SGMS1: variants seen among roughly 807,000 people sequenced by gnomAD.
SGMS1 encodes the protein sphingomyelin synthase 1, also known as phosphatidylcholine:ceramide cholinephosphotransferase 1.
A neutral mutation model predicts 46.2 loss-of-function variants in SGMS1; 13 were observed. The ratio of observed to expected loss-of-function variants is 0.28; its 90% CI spans 0.18 to 0.45. The LOEUF is 0.45. Among genes scored for constraint, SGMS1 ranks in the 20% least tolerant of loss-of-function variants. The pLI, the probability that SGMS1 is intolerant of heterozygous loss-of-function variation, is 1.00. For synonymous variants in SGMS1, 203 were observed against 187.8 expected (o/e 1.08, Z -0.66); for missense variants, 324 against 519.9 (o/e 0.62, Z 3.66).
At chr10:50,449,542 C>T (rs891459064) in intron 5 of SGMS1, among the ~76,000 whole-genome samples, 1 of 152,136 alleles carries the variant, frequency 6.6e-6, no homozygotes, top group African/African-American at 2.4e-5. Flanking sequence ...GGTCTTGCCC[C>T]GATACAGCAG....
At chr10:50,585,051 C>T (rs1325785555) in intron 2 of SGMS1, among the ~76,000 whole-genome samples, 3 of 152,150 alleles carry the variant, frequency 2.0e-5, no homozygotes, top group Non-Finnish European at 4.4e-5. Flanking sequence ...ATGTTAAAAA[C>T]AAGTTTCAAA....
chr10:50,342,233 T>C (rs1209333104), intron 7 of SGMS1: 1 of 152,214 alleles, frequency 6.6e-6, no homozygotes, highest in East Asian at 1.9e-4. Flanking sequence ...ACTCCAAGTA[T>C]CTTGTATTTC....
chr10:50,441,676 G>T (rs188667938), intron 5 of SGMS1, among the ~76,000 whole-genome samples: 1 of 152,202 alleles, frequency 6.6e-6, no homozygotes, highest in East Asian at 1.9e-4. Flanking sequence ...TCTTTACCAC[G>T]TATAACCAGA....
chr10:50,542,029 G>A (rs908072788), intron 2 of SGMS1, among the ~76,000 whole-genome samples: 13 of 152,090 alleles, frequency 8.5e-5, no homozygotes, highest in African/African-American at 2.4e-4. Context: ...TAAAATCACC[G>A]TGGCAGGAAC....
chr10:50,373,614 A>G (rs1024248771), intron 6 of SGMS1, among the ~76,000 whole-genome samples: 22 of 152,368 alleles, frequency 1.4e-4, no homozygotes, highest in African/African-American at 5.0e-4. Context: ...AAAGACAAAT[A>G]AGGAACAAGG....
At chr10:50,418,915 C>T (rs1481277433) in intron 6 of SGMS1, among the ~76,000 whole-genome samples, 1 of 152,146 alleles carries the variant, frequency 6.6e-6, no homozygotes. Context: ...CGTTACCCCG[C>T]CCCTTCAGTT....
intron 1 of SGMS1, among the ~76,000 whole-genome samples, chr10:50,596,302 G>A (rs904583455): frequency 6.6e-6 from 1 of 151,522 alleles, no homozygotes; most frequent in Non-Finnish European, 1.5e-5. Flanking sequence ...TCAGCCTCCC[G>A]AATAGCTGGG....
At position 50,392,776 on chromosome 10, in the gene SGMS1, T is replaced by C. The variant is rs143727906; in HGVS notation, c.-232+40700A>G. On this transcript the variant is annotated intron_variant, in intron 6 of 10. Coordinates refer to ENST00000361781, the MANE Select transcript of SGMS1 (RefSeq NM_147156.4). ...GATTTGTCTTAAAATACTGCCCCTC[T>C]TTCCCCAGAACTAAGTAGGGGAAAG... Among the ~76,000 whole-genome samples, 13 of 152,276 alleles carry C rather than the reference T, an allele frequency of 8.5e-5. No individual in the cohort carries two copies. The East Asian group carries it at 2.3e-3, about 27-fold the overall frequency.
chr10:50,555,337 C>A (rs1838181463), intron 2 of SGMS1, among the ~76,000 whole-genome samples: 1 of 152,158 alleles, frequency 6.6e-6, no homozygotes, highest in South Asian at 2.1e-4. Flanking sequence ...CTACCTAGTT[C>A]CAAAATACAT....
upstream of SGMS1, chr10:50,625,029 C>T (rs915835144): frequency 8.1e-5 from 81 of 1,004,500 alleles, no homozygotes; most frequent in Non-Finnish European, 9.5e-5. Context: ...CCGCCACGCC[C>T]TCCCATCGGG....
At chr10:50,457,994 A>G (rs1281991800) in intron 5 of SGMS1, among the ~76,000 whole-genome samples, 1 of 152,226 alleles carries the variant, frequency 6.6e-6, no homozygotes, top group African/African-American at 2.4e-5. Context: ...TGCTGCTAGC[A>G]GCATGGTAAG....
chr10:50,308,779 T>C (rs1241108103), intron 9 of SGMS1, among the ~76,000 whole-genome samples: 1 of 152,206 alleles, frequency 6.6e-6, no homozygotes, highest in African/African-American at 2.4e-5. Context: ...AAAATTTCTA[T>C]TAGTGCAGGC....
chr10:50,462,817 C>T (rs904510682), intron 4 of SGMS1, among the ~76,000 whole-genome samples: 11 of 152,030 alleles, frequency 7.2e-5, no homozygotes, highest in South Asian at 2.1e-4. Flanking sequence ...GTCTGGAAAG[C>T]GGAGATGACT....
chr10:50,380,378 C>CGAAA (rs1848583961), intron 6 of SGMS1, among the ~76,000 whole-genome samples: 1 of 121,512 alleles, frequency 8.2e-6, no homozygotes, highest in African/African-American at 3.0e-5. Context: ...GACTCTGTAT[C>CGAAA]AAAAAAAAAA....
chr10:50,413,371 C>T (rs1849127650), intron 6 of SGMS1, among the ~76,000 whole-genome samples: 1 of 152,200 alleles, frequency 6.6e-6, no homozygotes, highest in African/African-American at 2.4e-5. Flanking sequence ...ACACTGTATA[C>T]ACTTGCAGAT....
At position 50,337,862 on chromosome 10, in the gene SGMS1, G is replaced by A. The variant is rs1435524162; in HGVS notation, c.623+5630C>T. On this transcript the variant is annotated intron_variant, in intron 7 of 10. Transcript: ENST00000361781. ...TAAGGCCCCCAAAAGGCTTATCAAA[G>A]GTTAAAATACAAAAAAAAAAAAAAA... Among the ~76,000 whole-genome samples the A allele has an allele frequency of 1.1e-4, 15 of 138,748 alleles. No individual in the cohort carries two copies. The South Asian group carries it at 3.1e-3, about 29-fold the overall frequency. The allele number at this position is 138,748 out of a possible 152,430, so 91.0% of individuals were successfully genotyped here.
At chr10:50,516,446 G>A (rs2133781580) in intron 3 of SGMS1, among the ~76,000 whole-genome samples, 1 of 152,314 alleles carries the variant, frequency 6.6e-6, no homozygotes, top group Non-Finnish European at 1.5e-5. Context: ...TGCATAGAAA[G>A]AAAAATGGCA....
chr10:50,556,804 T>G (rs1192705085), intron 2 of SGMS1, among the ~76,000 whole-genome samples: 1 of 152,194 alleles, frequency 6.6e-6, no homozygotes, highest in Non-Finnish European at 1.5e-5. Flanking sequence ...TCTTGCTTGC[T>G]TAGCAATCAA....
chr10:50,393,722 G>A (rs79240349), intron 6 of SGMS1, among the ~76,000 whole-genome samples: 4,658 of 152,264 alleles, frequency 0.031, 103 homozygotes, highest in Non-Finnish European at 0.048. Flanking sequence ...GACCATTTCT[G>A]AAACCTGTCC....
Sources: allele counts gnomAD v4.1 joint callset (sites outside exome capture counted in the v4.1 genomes callset), GRCh38; gene constraint gnomAD v4.1.1; transcripts MANE v1.5; gene names NCBI Gene and HGNC (gene_info 2026-07-23, HGNC 2026-07-21).